Variants in KCNH5 observed in about 807,000 individuals in gnomAD.
The protein encoded by KCNH5 is potassium voltage-gated channel subfamily H member 5.
Under a neutral mutation model 96.1 loss-of-function variants are expected in KCNH5, and 46 were observed. That is an observed-to-expected ratio of 0.48 (90% CI 0.38 to 0.61). KCNH5 has a LOEUF of 0.61. Ranked by LOEUF, KCNH5 falls within the 20% of genes least tolerant of loss-of-function variation. The probability of loss-of-function intolerance (pLI) is 0.00; values close to 1 mark genes in which losing one functional copy is unlikely to be tolerated. For missense variants in KCNH5, 907 were observed against 1,225.8 expected (o/e 0.74, Z 3.88); for synonymous variants, 439 against 449.8 (o/e 0.98, Z 0.30).
chr14:62,822,945 A>G (rs1219250376), intron 8 of KCNH5, among the ~76,000 whole-genome samples: 1 of 152,174 alleles, frequency 6.6e-6, no homozygotes, highest in Non-Finnish European at 1.5e-5. Flanking sequence ...TTCTCTTTCT[A>G]TAACAGCATT....
At chr14:62,744,115 A>T (rs1029097231) in intron 10 of KCNH5, among the ~76,000 whole-genome samples, 4 of 152,294 alleles carry the variant, frequency 2.6e-5, no homozygotes, top group African/African-American at 9.6e-5. Context: ...CTGATATTTT[A>T]AAAATACCTT....
intron 7 of KCNH5, among the ~76,000 whole-genome samples, chr14:62,854,464 G>T (rs1203935998): frequency 1.3e-5 from 2 of 152,086 alleles, no homozygotes. Context: ...TAAAGGCTAA[G>T]GTTATTCATG....
chr14:62,880,903 G>T (rs1013418719), intron 7 of KCNH5, among the ~76,000 whole-genome samples: 1 of 152,106 alleles, frequency 6.6e-6, no homozygotes, highest in Non-Finnish European at 1.5e-5. Context: ...ACAGAATTTG[G>T]AACTAACAAA....
chr14:62,707,922 GT>G lies in KCNH5; in HGVS notation c.2552del (p.Asn851ThrfsTer3), dbSNP rs1355436403. 6.2e-7 allele frequency: 1 copy of G among 1,614,178 alleles called. No homozygotes were observed. Among genetic ancestry groups the G allele is most frequent in the South Asian group, 1.1e-5 (1 of 91,076 alleles). On this transcript the variant is annotated frameshift_variant, in exon 11 of 11. Transcript: ENST00000322893. LOFTEE classifies it high-confidence loss of function. ...SEDPKSSDSE[N>X]SVTKNPLRKT... ...TTCTTAGTGGGTTTTTGGTCACACT[GT>G]TCTCTGAATCACTGCTCTTGGGGTC...
intron 10 of KCNH5, among the ~76,000 whole-genome samples, chr14:62,726,087 A>T (rs1884918815): frequency 6.6e-6 from 1 of 152,202 alleles, no homozygotes; most frequent in African/African-American, 2.4e-5. Flanking sequence ...GGATAAATGG[A>T]ACATCCATGT....
intron 10 of KCNH5, among the ~76,000 whole-genome samples, chr14:62,717,182 A>C (rs1307830252): frequency 6.6e-6 from 1 of 152,222 alleles, no homozygotes; most frequent in Non-Finnish European, 1.5e-5. Context: ...ACATATTAGA[A>C]AACAATATTG....
chr14:62,906,745 A>T (rs977074798), intron 7 of KCNH5, among the ~76,000 whole-genome samples: 6 of 152,172 alleles, frequency 3.9e-5, no homozygotes, highest in African/African-American at 7.2e-5. Flanking sequence ...TTTTAAACAT[A>T]ACAAAACTTT....
At chr14:62,849,910 T>C in intron 7 of KCNH5, 58 bp from the exon 8 acceptor site, 1 of 1,335,058 alleles carries the variant, frequency 7.5e-7, no homozygotes, top group Non-Finnish European at 1.1e-6. Context: ...AAAATACAAA[T>C]ATTTGCTAAA....
intron 7 of KCNH5, among the ~76,000 whole-genome samples, chr14:62,926,265 T>G (rs527961851): frequency 5.9e-5 from 9 of 152,110 alleles, no homozygotes; most frequent in Non-Finnish European, 1.3e-4. Context: ...GATAAGTTCT[T>G]GAAACTTTTA....
intron 10 of KCNH5, among the ~76,000 whole-genome samples, chr14:62,750,994 A>C (rs2139944847): frequency 6.6e-6 from 1 of 152,230 alleles, no homozygotes; most frequent in Admixed American, 6.5e-5. Context: ...AACTTGCTCC[A>C]TAACTTGTAT....
intron 10 of KCNH5, among the ~76,000 whole-genome samples, chr14:62,760,116 G>T (rs1885715516): frequency 6.6e-6 from 1 of 152,202 alleles, no homozygotes; most frequent in East Asian, 1.9e-4. Flanking sequence ...GATTTCTCCT[G>T]CTCACCTTTG....
intron 4 of KCNH5, among the ~76,000 whole-genome samples, chr14:63,000,238 A>G (rs1394874529): frequency 6.6e-6 from 1 of 152,184 alleles, no homozygotes; most frequent in Non-Finnish European, 1.5e-5. Flanking sequence ...AAAAAGAAGT[A>G]AGGAAAGGCG....
chr14:62,809,277 A>G (rs1032389354), intron 8 of KCNH5, among the ~76,000 whole-genome samples: 1 of 152,144 alleles, frequency 6.6e-6, no homozygotes, highest in Non-Finnish European at 1.5e-5. Flanking sequence ...CTTAAGTGCA[A>G]TAAGAATCTG....
chr14:62,732,487 GA>G (rs530245570), intron 10 of KCNH5, among the ~76,000 whole-genome samples: 2,067 of 139,914 alleles, frequency 0.015, 47 homozygotes, highest in African/African-American at 0.051. Context: ...CCTGATAAAG[GA>G]AAAAAAAAAA....
chr14:62,771,125 G>A (rs1333423595), intron 10 of KCNH5, among the ~76,000 whole-genome samples: 3 of 151,992 alleles, frequency 2.0e-5, no homozygotes, highest in Non-Finnish European at 4.4e-5. Flanking sequence ...GGAGAGAAAC[G>A]TCCCCAGACA....
intron 8 of KCNH5, among the ~76,000 whole-genome samples, chr14:62,821,214 G>T (rs929138436): frequency 6.6e-6 from 1 of 150,938 alleles, no homozygotes; most frequent in African/African-American, 2.4e-5. Context: ...AAAAAAAAAA[G>T]CTTTTCTTAA....
Position 62,703,315 on chromosome 14 carries a change from C to G in KCNH5, c.*4193G>C, listed in dbSNP as rs1884375659. ...AGATAAAAATCACATCACCGTCAATCCCTGAAATCTCTTCTAAAATCTAGA... is the reference window on the plus strand; with the variant it reads ...AGATAAAAATCACATCACCGTCAATGCCTGAAATCTCTTCTAAAATCTAGA... On this transcript the variant is annotated 3_prime_UTR_variant, in exon 11 of 11. Transcript: ENST00000322893. 6.6e-6 allele frequency: 1 copy of G among 151,810 alleles called. No individual in the cohort carries two copies. Among genetic ancestry groups the G allele is most frequent in the Non-Finnish European group, 1.5e-5 (1 of 67,770 alleles). 9.4% of individuals were successfully genotyped at this position (151,810 alleles called of 1,614,324 possible). A position where few individuals can be genotyped will look rare whatever the true frequency, so the allele number is the denominator to read the frequency against.
chr14:62,795,750 T>A (rs535250597), intron 9 of KCNH5, among the ~76,000 whole-genome samples: 1 of 152,172 alleles, frequency 6.6e-6, no homozygotes, highest in East Asian at 1.9e-4. Flanking sequence ...TTTCAAGTGG[T>A]CACTGTGCAG....
intron 10 of KCNH5, among the ~76,000 whole-genome samples, chr14:62,715,767 T>G (rs1884672001): frequency 6.8e-6 from 1 of 147,486 alleles, no homozygotes; most frequent in Non-Finnish European, 1.5e-5. Context: ...ATTAAGTAAA[T>G]GTAAAGAAAA....
Sources: allele counts gnomAD v4.1 joint callset (sites outside exome capture counted in the v4.1 genomes callset), GRCh38; gene constraint gnomAD v4.1.1; transcripts MANE v1.5; gene names NCBI Gene and HGNC (gene_info 2026-07-23, HGNC 2026-07-21).